The following DOCK3 variants were observed in gnomAD, a reference collection of about 807,000 sequenced individuals.
The protein encoded by DOCK3 is dedicator of cytokinesis protein 3.
In DOCK3, 60 loss-of-function variants were observed where a neutral mutation model predicts 265.6. The ratio of observed to expected loss-of-function variants is 0.23; its 90% CI spans 0.18 to 0.28. The LOEUF (loss-of-function observed/expected upper bound fraction) is 0.28. DOCK3 is among the 10% of genes least tolerant of loss of function. The probability of loss-of-function intolerance (pLI) is 1.00; values close to 1 mark genes in which losing one functional copy is unlikely to be tolerated. For synonymous variants in DOCK3, 881 were observed against 938.0 expected (o/e 0.94, Z 1.11); for missense variants, 1,981 against 2,594.3 (o/e 0.76, Z 5.14).
chr3:50,729,829 T>C (rs2038081997), intron 1 of DOCK3, among the ~76,000 whole-genome samples: 1 of 147,032 alleles, frequency 6.8e-6, no homozygotes, highest in Admixed American at 6.8e-5. Flanking sequence ...ATTTCATTTT[T>C]TTTTTTTTTT....
chr3:50,774,983 G>T (rs1466885512), intron 1 of DOCK3, among the ~76,000 whole-genome samples: 2 of 151,654 alleles, frequency 1.3e-5, no homozygotes, highest in Admixed American at 1.3e-4. Flanking sequence ...AACCAATCTT[G>T]CATTCCTTGA....
intron 9 of DOCK3, among the ~76,000 whole-genome samples, chr3:51,133,013 G>A (rs1037830081): frequency 7.9e-5 from 12 of 152,050 alleles, no homozygotes; most frequent in African/African-American, 2.9e-4. Flanking sequence ...TTGCCAGGCA[G>A]GATAATGTTG....
chr3:51,280,806 A>G (rs1018625837), intron 27 of DOCK3, among the ~76,000 whole-genome samples: 13 of 152,174 alleles, frequency 8.5e-5, no homozygotes, highest in Non-Finnish European at 1.3e-4. Flanking sequence ...AAGTGAGAGG[A>G]TCGATTGAGC....
intron 5 of DOCK3, among the ~76,000 whole-genome samples, chr3:51,022,461 T>C (rs2079632796): frequency 6.6e-6 from 1 of 152,238 alleles, no homozygotes; most frequent in African/African-American, 2.4e-5. Flanking sequence ...TTTTAAATAT[T>C]GCTTCTGCTC....
intron 3 of DOCK3, among the ~76,000 whole-genome samples, chr3:50,866,775 T>C (rs1000051203): frequency 1.3e-5 from 2 of 151,278 alleles, no homozygotes; most frequent in Non-Finnish European, 3.0e-5. Flanking sequence ...CTCTATTGTG[T>C]TCCTTTGGTG....
intron 2 of DOCK3, among the ~76,000 whole-genome samples, chr3:50,824,750 A>G (rs1047547983): frequency 6.6e-5 from 10 of 152,144 alleles, no homozygotes; most frequent in African/African-American, 2.4e-4. Context: ...CAACATAGCT[A>G]TTTTTTCATG....
intron 14 of DOCK3, among the ~76,000 whole-genome samples, chr3:51,219,549 C>G (rs1478395918): frequency 6.6e-6 from 1 of 152,148 alleles, no homozygotes; most frequent in Non-Finnish European, 1.5e-5. Context: ...AAAATCTTAA[C>G]AAGCTTAAGG....
chr3:50,837,273 T>C (rs926230488), intron 2 of DOCK3, among the ~76,000 whole-genome samples: 1 of 152,202 alleles, frequency 6.6e-6, no homozygotes, highest in African/African-American at 2.4e-5. Flanking sequence ...AGTGTATTAG[T>C]CTGTTCTCAT....
At chr3:51,354,279 T>C (rs2086209920) in intron 40 of DOCK3, among the ~76,000 whole-genome samples, 1 of 149,852 alleles carries the variant, frequency 6.7e-6, no homozygotes, top group Non-Finnish European at 1.5e-5. Flanking sequence ...TTGGTAACAT[T>C]GGAGTCAGGG....
At chr3:51,119,159 G>T (rs1419954171) in intron 9 of DOCK3, among the ~76,000 whole-genome samples, 1 of 152,066 alleles carries the variant, frequency 6.6e-6, no homozygotes, top group South Asian at 2.1e-4. Context: ...GGCAGGCCTG[G>T]GTAGTGACAC....
intron 12 of DOCK3, among the ~76,000 whole-genome samples, chr3:51,163,949 TCTTCA>T (rs1164306745): frequency 1.3e-5 from 2 of 152,278 alleles, no homozygotes; most frequent in African/African-American, 2.4e-5. Flanking sequence ...CGGGTCTTTG[TCTTCA>T]CTTAAGCCAC....
chr3:50,961,338 AAT>A (rs2076880593), intron 5 of DOCK3, among the ~76,000 whole-genome samples: 1 of 152,186 alleles, frequency 6.6e-6, no homozygotes, highest in Non-Finnish European at 1.5e-5. Flanking sequence ...AAAATGGTAA[AAT>A]ATCAAATGAG....
At chr3:50,884,231 C>T (rs66684483) in intron 3 of DOCK3, among the ~76,000 whole-genome samples, 15,066 of 152,074 alleles carry the variant, frequency 0.099, 924 homozygotes, top group Non-Finnish European at 0.13. Flanking sequence ...GCTAGGATTA[C>T]AGGCATCCAC....
chr3:50,832,234 C>T (rs557669144), intron 2 of DOCK3, among the ~76,000 whole-genome samples: 4 of 152,198 alleles, frequency 2.6e-5, no homozygotes, highest in South Asian at 2.1e-4. Flanking sequence ...AAGACTTAAA[C>T]GTAAGAACTA....
intron 1 of DOCK3, among the ~76,000 whole-genome samples, chr3:50,718,461 T>G (rs1167317487): frequency 6.6e-6 from 1 of 152,218 alleles, no homozygotes; most frequent in Non-Finnish European, 1.5e-5. Context: ...TGGAGAAATC[T>G]GAGGCTAGTA....
chr3:51,222,183 A>G (rs978652963), intron 14 of DOCK3, among the ~76,000 whole-genome samples: 1 of 152,122 alleles, frequency 6.6e-6, no homozygotes, highest in Non-Finnish European at 1.5e-5. Flanking sequence ...TCTCATCTTC[A>G]TTGTAATGTG....
chr3:50,900,350 A>G (rs998111888), intron 4 of DOCK3, among the ~76,000 whole-genome samples: 1 of 151,912 alleles, frequency 6.6e-6, no homozygotes, highest in Admixed American at 6.6e-5. Context: ...TCTTCTTTAA[A>G]CCAGTTATGC....
intron 1 of DOCK3, among the ~76,000 whole-genome samples, chr3:50,765,136 C>T (rs2040793330): frequency 7.7e-6 from 1 of 130,298 alleles, no homozygotes; most frequent in Non-Finnish European, 1.5e-5. Flanking sequence ...GGCTGGAGTG[C>T]AGTGGCGCAA....
intron 1 of DOCK3, among the ~76,000 whole-genome samples, chr3:50,720,793 G>C (rs1474890180): frequency 6.6e-6 from 1 of 152,192 alleles, no homozygotes; most frequent in Non-Finnish European, 1.5e-5. Flanking sequence ...TTCCACAATG[G>C]CTGAACCAAT....
Sources: gnomAD v4.1 joint callset for allele counts (sites outside exome capture counted in the v4.1 genomes callset) on GRCh38, gnomAD v4.1.1 for gene constraint, MANE v1.5 for transcripts, NCBI Gene and HGNC (gene_info 2026-07-23, HGNC 2026-07-21) for gene names.